Variants in COL4A4 observed in about 807,000 individuals in gnomAD.
The protein encoded by COL4A4 is collagen alpha-4(IV) chain.
COL4A4 carries 105 observed loss-of-function variants against 192.9 expected under a neutral mutation model. That is an observed-to-expected ratio of 0.54 (90% CI 0.46 to 0.64). The LOEUF (loss-of-function observed/expected upper bound fraction) is 0.64, where lower values mean the gene tolerates loss of function less well. Ranked by LOEUF, COL4A4 falls within the 30% of genes least tolerant of loss-of-function variation. The probability of loss-of-function intolerance (pLI) is 0.00; values close to 1 mark genes in which losing one functional copy is unlikely to be tolerated. For missense variants in COL4A4, 1,967 were observed against 2,169.3 expected (o/e 0.91, Z 1.85); for synonymous variants, 762 against 769.9 (o/e 0.99, Z 0.17).
chr2:227,123,918 G>C lies in COL4A4; in HGVS notation c.193-2770C>G, dbSNP rs1483653725. Among the ~76,000 whole-genome samples, 1 of 152,204 alleles carries C rather than the reference G, an allele frequency of 6.6e-6. No homozygotes were observed. Among genetic ancestry groups the C allele is most frequent in the Non-Finnish European group, 1.5e-5 (1 of 68,038 alleles). Reference sequence around the variant, plus strand: ...AAGCCCAGGACCACACTGACTTGCTGTGTGACCTTGGGTATGTTTCTTAAC... The same window carrying C: ...AAGCCCAGGACCACACTGACTTGCTCTGTGACCTTGGGTATGTTTCTTAAC... On this transcript the variant is annotated intron_variant, in intron 4 of 47. Coordinates refer to ENST00000396625, the MANE Select transcript of COL4A4 (RefSeq NM_000092.5). This position sits in a 1 kb window ranked among gnomAD's most constrained non-coding sequence, Gnocchi z 4.6.
Position 227,012,203 on chromosome 2 carries a change from T to A in COL4A4, c.4311A>T (p.Glu1437Asp). The change falls in exon 45 of 48, where the codon GAA becomes GAT. Residue 1437 changes from glutamate (E) to aspartate (D), a missense_variant. Transcript: ENST00000396625. The part of the protein sequence containing the change: ...GPPGRKGDTG[E>D]DGYPGGPGPP... ...TACCTGGTCCTCCAGGGTAGCCGTCTTCTCCTGTGTCACCTTTACGTCCGG... is the reference window on the plus strand; with the variant it reads ...TACCTGGTCCTCCAGGGTAGCCGTCATCTCCTGTGTCACCTTTACGTCCGG... The A allele has an allele frequency of 6.2e-7, 1 of 1,614,050 alleles. No homozygotes were observed.
intron 28 of COL4A4, 60 bp from the exon 29 acceptor site, chr2:227,057,660 A>T: frequency 6.4e-7 from 1 of 1,560,388 alleles, no homozygotes; most frequent in Non-Finnish European, 8.8e-7. Context: ...ATGGCCCATG[A>T]TGAATTGTTC....
intron 26 of COL4A4, among the ~76,000 whole-genome samples, chr2:227,060,999 T>G (rs12987500): frequency 0.15 from 23,570 of 152,142 alleles, 2,259 homozygotes; most frequent in African/African-American, 0.27. Flanking sequence ...GTGCTGAGAT[T>G]ACAGGCATGA....
intron 4 of COL4A4, among the ~76,000 whole-genome samples, chr2:227,139,692 T>A (rs1305777923): frequency 6.6e-6 from 1 of 152,212 alleles, no homozygotes; most frequent in Non-Finnish European, 1.5e-5. Flanking sequence ...GCCTGGCACA[T>A]AACAAGCATA....
intron 4 of COL4A4, among the ~76,000 whole-genome samples, chr2:227,132,596 T>A (rs2062550904): frequency 6.6e-6 from 1 of 152,046 alleles, no homozygotes; most frequent in African/African-American, 2.4e-5. Flanking sequence ...GTCAACATGG[T>A]GAAATCCCGG....
intron 25 of COL4A4, among the ~76,000 whole-genome samples, chr2:227,066,110 G>C: frequency 6.6e-6 from 1 of 152,172 alleles, no homozygotes; most frequent in Non-Finnish European, 1.5e-5. Flanking sequence ...CGATCAACTG[G>C]AACAAAGGGT....
intron 4 of COL4A4, among the ~76,000 whole-genome samples, chr2:227,122,873 AT>A (rs201845065): frequency 0.012 from 1,806 of 146,992 alleles, 29 homozygotes; most frequent in African/African-American, 0.044. Context: ...TATTATTATT[AT>A]TTTTTTTTGA....
intron 20 of COL4A4, among the ~76,000 whole-genome samples, chr2:227,092,848 G>C (rs2060012630): frequency 6.6e-6 from 1 of 152,178 alleles, no homozygotes; most frequent in South Asian, 2.1e-4. Flanking sequence ...GTGAAAGAAA[G>C]CTAAATTCAT....
chr2:227,129,284 C>G lies in COL4A4; in HGVS notation c.193-8136G>C, dbSNP rs567560859. Among the ~76,000 whole-genome samples, 8 of 152,226 alleles carry G rather than the reference C, an allele frequency of 5.3e-5. 1 individual carries two copies. In the South Asian group the frequency reaches 1.7e-3, roughly 32 times the overall value. On this transcript the variant is annotated intron_variant, in intron 4 of 47. Coordinates refer to ENST00000396625, the MANE Select transcript of COL4A4 (RefSeq NM_000092.5). ...AACTGCAGTCCTCATCAATTTCACT[C>G]CCCTCCAAACTACCACATCTACCCT...
At chr2:227,033,557 TGCCCA>T in intron 37 of COL4A4, 76 bp from the exon 38 acceptor site, 1 of 1,328,746 alleles carries the variant, frequency 7.5e-7, no homozygotes, top group Non-Finnish European at 1.1e-6. Context: ...ACGCAGGCAC[TGCCCA>T]GCAGAGGGCG....
At chr2:226,989,974 T>C in the COL4A4 span, among the ~76,000 whole-genome samples, 1 of 152,236 alleles carries the variant, frequency 6.6e-6, no homozygotes, top group African/African-American at 2.4e-5. Flanking sequence ...GATTGAAGGA[T>C]AGAAATGCGA....
At chr2:227,089,843 A>T in intron 21 of COL4A4, 25 bp downstream of exon 21, 1 of 1,579,194 alleles carries the variant, frequency 6.3e-7, no homozygotes, top group Non-Finnish European at 8.7e-7. Flanking sequence ...GTCTTCTAGA[A>T]ATTCTACCTT....
chr2:227,137,613 A>G (rs1231247233), intron 4 of COL4A4, among the ~76,000 whole-genome samples: 1 of 152,202 alleles, frequency 6.6e-6, no homozygotes, highest in African/African-American at 2.4e-5. Flanking sequence ...GTGCATTGTA[A>G]GATGTTGAAC....
At chr2:226,983,073 G>A in the COL4A4 span, among the ~76,000 whole-genome samples, 1 of 152,200 alleles carries the variant, frequency 6.6e-6, no homozygotes, top group Admixed American at 6.5e-5. Context: ...CCATGCTAGT[G>A]CAAATGGTCA....
chr2:227,137,246 A>T (rs1264395139), intron 4 of COL4A4, among the ~76,000 whole-genome samples: 1 of 152,178 alleles, frequency 6.6e-6, no homozygotes, highest in African/African-American at 2.4e-5. Context: ...GCCCAAGGAC[A>T]TAGAAGAGAA....
chr2:227,127,899 T>C (rs1576714609), intron 4 of COL4A4, among the ~76,000 whole-genome samples: 2 of 152,196 alleles, frequency 1.3e-5, no homozygotes, highest in East Asian at 3.8e-4. Flanking sequence ...ACAGGAAAGA[T>C]GCTTTTGTTA....
chr2:227,160,700 G>A (rs1236445156), intron 1 of COL4A4, among the ~76,000 whole-genome samples: 1 of 152,144 alleles, frequency 6.6e-6, no homozygotes, highest in African/African-American at 2.4e-5. Context: ...AATTTTAATT[G>A]GTAACTCTGA....
Position 227,109,448 on chromosome 2 carries a change from C to T in COL4A4, c.595-162G>A, listed in dbSNP as rs555133370. The T allele has an allele frequency of 1.5e-4, 110 of 727,116 alleles. No individual in the cohort carries two copies. The African/African-American group carries it at 1.8e-3, about 12-fold the overall frequency. The allele number at this position is 727,116 out of a possible 1,614,324, so 45.0% of individuals were successfully genotyped here. On this transcript the variant is annotated intron_variant, in intron 9 of 47. Coordinates refer to ENST00000396625, the MANE Select transcript of COL4A4 (RefSeq NM_000092.5). Reference sequence around the variant, plus strand: ...TTTTCAACAGCAGCTTTGATGCAGCCCTAAAAGGGCACCAAGCAGTCCGGG... The same window carrying T: ...TTTTCAACAGCAGCTTTGATGCAGCTCTAAAAGGGCACCAAGCAGTCCGGG...
upstream of COL4A4, chr2:227,164,254 ACTCC>A (rs1317450723): frequency 5.4e-6 from 1 of 183,906 alleles, no homozygotes; most frequent in East Asian, 1.6e-4. This position sits in a 1 kb window ranked among gnomAD's most constrained non-coding sequence, Gnocchi z 4.8. Context: ...GCCGCTGGCC[ACTCC>A]CTCCACCCTG....
Sources: gnomAD v4.1 joint callset for allele counts (sites outside exome capture counted in the v4.1 genomes callset) on GRCh38, gnomAD v4.1.1 for gene constraint, Gnocchi (gnomAD v3.1) non-coding constraint, MANE v1.5 for transcripts, NCBI Gene and HGNC (gene_info 2026-07-23, HGNC 2026-07-21) for gene names.